Variants in DENND5A observed in about 807,000 individuals in gnomAD.
DENND5A encodes DENN domain-containing protein 5A.
A neutral mutation model predicts 140.3 loss-of-function variants in DENND5A; 64 were observed. That is an observed-to-expected ratio of 0.46 (90% CI 0.37 to 0.56). DENND5A has a LOEUF of 0.56. Among genes scored for constraint, DENND5A ranks in the 20% least tolerant of loss-of-function variants. DENND5A has a pLI of 0.00. For synonymous variants in DENND5A, 605 were observed against 607.7 expected, an observed-to-expected ratio of 1.00 and a Z score of 0.07; for missense variants, 1,292 against 1,593.8, an observed-to-expected ratio of 0.81 and a Z score of 3.22.
intron 1 of DENND5A, among the ~76,000 whole-genome samples, chr11:9,243,104 ACAAAAAAAAAAAC>A (rs1461610381): frequency 2.2e-5 from 3 of 137,234 alleles, no homozygotes; most frequent in Non-Finnish European, 4.5e-5. Context: ...AAAAAAAAAA[ACAAAAAAAAAAAC>A]TGAGGCGAGT....
At chr11:9,252,019 G>A (rs560536865) in intron 1 of DENND5A, among the ~76,000 whole-genome samples, 76 of 146,520 alleles carry the variant, frequency 5.2e-4, no homozygotes, top group Non-Finnish European at 8.7e-4. Context: ...ACTAAATCTG[G>A]CCAGGTGCAG....
At chr11:9,201,507 C>A (rs1306395417) in intron 4 of DENND5A, among the ~76,000 whole-genome samples, 1 of 151,402 alleles carries the variant, frequency 6.6e-6, no homozygotes, top group African/African-American at 2.4e-5. Flanking sequence ...CCCATGTCTA[C>A]AAAAAATAAA....
Position 9,265,102 on chromosome 11 carries a change from G to T in DENND5A, c.-33C>A. On this transcript the variant is annotated 5_prime_UTR_variant, in exon 1 of 23. Transcript: ENST00000328194. The surrounding 1 kb of genome is among the most constrained non-coding windows in gnomAD (Gnocchi z 4.7). The stretch of plus-strand genomic sequence containing the variant: ...GGGCCGAGACCGGCCGGGCAGTGCG[G>T]AGCGGCACCGAGCCCCCGCAACCCG... 1 of 1,225,790 alleles carries T rather than the reference G, an allele frequency of 8.2e-7. No homozygotes were observed. The highest frequency in any genetic ancestry group is 1.0e-6 in the Non-Finnish European group (1 of 971,232). 75.9% of individuals were successfully genotyped at this position (1,225,790 alleles called of 1,614,324 possible). A position where few individuals can be genotyped will look rare whatever the true frequency, so the allele number is the denominator to read the frequency against.
Position 9,228,974 on chromosome 11 carries a change from T to G in DENND5A, c.110-21342A>C, listed in dbSNP as rs537574763. The stretch of plus-strand genomic sequence containing the variant: ...CAAATTATGCAAACTTAGGAAGGGG[T>G]CATGGGAACCCCTGACTTATAGCAG... On this transcript the variant is annotated intron_variant, in intron 1 of 22. Transcript: ENST00000328194. Among the ~76,000 whole-genome samples the G allele has an allele frequency of 2.6e-5, 4 of 152,040 alleles. No individual in the cohort carries two copies. The East Asian group carries it at 7.7e-4, about 29-fold the overall frequency.
In DENND5A at chr11:9,165,999, T is replaced by A. The variant is rs770825422; in HGVS notation, c.2152-32A>T. On this transcript the variant is annotated intron_variant, in intron 10 of 22. Coordinates refer to ENST00000328194, the MANE Select transcript of DENND5A (RefSeq NM_015213.4). ...CAAACAGAAAAATAAAGACCCTTTG[T>A]GTCCATGTACATAAACCAAAGGTCA... The A allele has an allele frequency of 1.9e-6, 3 of 1,612,804 alleles. 1 individual carries two copies. In the South Asian group the frequency reaches 3.3e-5, roughly 18 times the overall value.
intron 8 of DENND5A, among the ~76,000 whole-genome samples, chr11:9,174,050 C>A (rs1848462862): frequency 7.6e-6 from 1 of 131,992 alleles, no homozygotes; most frequent in South Asian, 2.3e-4. Context: ...TTGCAGTGAG[C>A]CTAGATCTCG....
At chr11:9,247,229 T>TAAAA (rs75951139) in intron 1 of DENND5A, among the ~76,000 whole-genome samples, 2 of 126,796 alleles carry the variant, frequency 1.6e-5, no homozygotes, top group Non-Finnish European at 1.7e-5. Context: ...GACTCCGTCT[T>TAAAA]AAAAAAAAAA....
chr11:9,228,110 C>CAAA (rs548141276), intron 1 of DENND5A, among the ~76,000 whole-genome samples: 23,074 of 72,142 alleles, frequency 0.32, 3,915 homozygotes, highest in East Asian at 0.51. Flanking sequence ...GACTCCATCT[C>CAAA]AAAAAAAAAA....
intron 1 of DENND5A, among the ~76,000 whole-genome samples, chr11:9,217,829 C>T (rs1341455137): frequency 2.0e-5 from 3 of 152,200 alleles, no homozygotes; most frequent in Admixed American, 2.0e-4. Context: ...CAGTCTCCTA[C>T]TGTCAAAGCA....
At chr11:9,202,365 G>C (rs796933714) in intron 4 of DENND5A, among the ~76,000 whole-genome samples, 56 of 152,228 alleles carry the variant, frequency 3.7e-4, no homozygotes, top group African/African-American at 1.3e-3. Context: ...TTATTTAAGA[G>C]AATGTTTTTA....
chr11:9,164,144 C>T (rs1241274001), intron 11 of DENND5A, among the ~76,000 whole-genome samples: 1 of 130,618 alleles, frequency 7.7e-6, no homozygotes, highest in Non-Finnish European at 1.6e-5. Context: ...GATCCTCCTA[C>T]CTCAGCCCAC....
At chr11:9,189,877 T>C (rs1849056143) in intron 5 of DENND5A, among the ~76,000 whole-genome samples, 2 of 152,164 alleles carry the variant, frequency 1.3e-5, no homozygotes, top group Admixed American at 6.5e-5. Context: ...CGACCTCAGG[T>C]GATCCACCTG....
chr11:9,179,498 AC>A (rs1256008452), intron 6 of DENND5A, among the ~76,000 whole-genome samples: 5 of 142,390 alleles, frequency 3.5e-5, no homozygotes, highest in Admixed American at 1.5e-4. Flanking sequence ...CTGCAAAAAA[AC>A]CTTTTTTTTT....
chr11:9,153,455 C>T (rs1847701449), intron 12 of DENND5A, among the ~76,000 whole-genome samples: 1 of 151,744 alleles, frequency 6.6e-6, no homozygotes, highest in Non-Finnish European at 1.5e-5. Flanking sequence ...GGATATCCAG[C>T]CTATAAGCTT....
intron 10 of DENND5A, among the ~76,000 whole-genome samples, 197 bp downstream of exon 10, chr11:9,169,658 CA>C (rs1182592627): frequency 2.0e-5 from 3 of 151,948 alleles, no homozygotes; most frequent in Non-Finnish European, 2.9e-5. Context: ...CTGGAATTTG[CA>C]AAACATCCCA....
At chr11:9,173,971 C>T (rs1448507884) in intron 8 of DENND5A, among the ~76,000 whole-genome samples, 2 of 151,498 alleles carry the variant, frequency 1.3e-5, no homozygotes, top group Non-Finnish European at 3.0e-5. Context: ...TGCGCAGTGG[C>T]GAGCGCCTGT....
rs143706327 is a variant in DENND5A at position 9,184,620 on chromosome 11, C to T, written c.1138-3536G>A. The stretch of plus-strand genomic sequence containing the variant: ...TCCCTCCCAAAACTTGGTATTATCA[C>T]ACTTCTTGAAATTTGCCAACAAAAT... On this transcript the variant is annotated intron_variant, in intron 5 of 22. Coordinates refer to ENST00000328194, the MANE Select transcript of DENND5A (RefSeq NM_015213.4). Among the ~76,000 whole-genome samples, 705 of 152,332 alleles carry T rather than the reference C, an allele frequency of 4.6e-3. 6 individuals are homozygous for T. Among genetic ancestry groups the T allele is most frequent in the African/African-American group, 0.016 (678 of 41,578 alleles).
At chr11:9,233,471 A>G (rs1314152743) in intron 1 of DENND5A, among the ~76,000 whole-genome samples, 1 of 151,866 alleles carries the variant, frequency 6.6e-6, no homozygotes, top group East Asian at 1.9e-4. Flanking sequence ...TGGTGGCCCC[A>G]AAAAAGGTAT....
chr11:9,227,844 C>T lies in DENND5A; in HGVS notation c.110-20212G>A, dbSNP rs555018886. Among the ~76,000 whole-genome samples the T allele has an allele frequency of 9.2e-5, 14 of 151,890 alleles. No individual in the cohort carries two copies. In the East Asian group the frequency reaches 2.7e-3, roughly 29 times the overall value. On this transcript the variant is annotated intron_variant, in intron 1 of 22. Coordinates refer to ENST00000328194, the MANE Select transcript of DENND5A (RefSeq NM_015213.4). ...AAATGAGGCCAGGCACTGTGGCTCA[C>T]GCTTGTAAATCCCAGCACTTTGGGA...
Sources: allele counts gnomAD v4.1 joint callset (sites outside exome capture counted in the v4.1 genomes callset), GRCh38; gene constraint gnomAD v4.1.1; non-coding constraint Gnocchi (gnomAD v3.1); transcripts MANE v1.5; gene names NCBI Gene and HGNC (gene_info 2026-07-23, HGNC 2026-07-21).